The following CCDC82 variants were observed in gnomAD, a reference collection of about 807,000 sequenced individuals.
CCDC82 encodes coiled-coil domain-containing protein 82.
CCDC82 carries 47 observed loss-of-function variants against 60.6 expected under a neutral mutation model. That is an observed-to-expected ratio of 0.77 (90% CI 0.61 to 0.99). CCDC82 has a LOEUF of 0.99. CCDC82 is among the 50% of genes least tolerant of loss of function. The pLI, the probability that CCDC82 is intolerant of heterozygous loss-of-function variation, is 0.00. For synonymous variants in CCDC82, 212 were observed against 207.4 expected, an observed-to-expected ratio of 1.02 and a Z score of -0.19; for missense variants, 588 against 633.0, an observed-to-expected ratio of 0.93 and a Z score of 0.76.
At chr11:96,379,863 CGACTG>C (rs1865776852) in intron 5 of CCDC82, among the ~76,000 whole-genome samples, 1 of 151,688 alleles carries the variant, frequency 6.6e-6, no homozygotes, top group Admixed American at 6.6e-5. Flanking sequence ...TTCTGCTTAA[CGACTG>C]GACTGAAGTA....
Position 96,352,968 on chromosome 11 carries a change from T to C in CCDC82, c.*678A>G, listed in dbSNP as rs1040976767. On this transcript the variant is annotated 3_prime_UTR_variant, in exon 10 of 10. Coordinates refer to ENST00000646818, the MANE Select transcript of CCDC82 (RefSeq NM_024725.4). ...AAAATACATCTTAATCATCAATATA[T>C]AGACAAAATTGAATAGAAAAAAGTA... The C allele has an allele frequency of 3.3e-5, 5 of 152,104 alleles. No individual in the cohort carries two copies. Among genetic ancestry groups the C allele is most frequent in the East Asian group, 3.9e-4 (2 of 5,188 alleles). 9.4% of individuals were successfully genotyped at this position (152,104 alleles called of 1,614,324 possible). A position where few individuals can be genotyped will look rare whatever the true frequency, so the allele number is the denominator to read the frequency against.
At position 96,384,580 on chromosome 11, in the gene CCDC82, A is replaced by C; in HGVS notation, c.168T>G (p.Asp56Glu). The C allele has an allele frequency of 6.2e-7, 1 of 1,613,542 alleles. No homozygotes were observed. The highest frequency in any genetic ancestry group is 8.5e-7 in the Non-Finnish European group (1 of 1,179,642). ...CATCATTTTCAAAACTTTCATCACT[A>C]TCAAGCTCTTCATCACTATCAAATT... ...SEEFDSDEELDSDESFENDEE... is the reference protein window; with the variant it reads ...SEEFDSDEELESDESFENDEE... Residue 56 changes from aspartate (D) to glutamate (E), a missense_variant, in exon 4 of 10, where the codon GAT (aspartate) becomes GAG (glutamate). By Grantham distance (45) the Asp-to-Glu change is conservative. Transcript: ENST00000646818.
Position 96,373,424 on chromosome 11 carries a change from C to T in CCDC82, c.1035G>A (p.Lys345=), listed in dbSNP as rs751010561. The change falls in exon 6 of 10, where the codon AAG becomes AAA. Residue 345 remains lysine (K), a synonymous_variant. Transcript: ENST00000646818. ...CATCTAAAGCGTTGATCAGAAGAGCCTTCACAACTCTTTCAAAATGAGTAT... is the reference window on the plus strand; with the variant it reads ...CATCTAAAGCGTTGATCAGAAGAGCTTTCACAACTCTTTCAAAATGAGTAT... The part of the protein sequence containing the change: ...DHYTHFERVV[K]ALLINALDES... 3 of 1,610,288 alleles carry T rather than the reference C, an allele frequency of 1.9e-6. No homozygotes were observed. The highest frequency in any genetic ancestry group is 1.7e-4 in the Middle Eastern group (1 of 6,040).
chr11:96,365,124 T>G lies in CCDC82; in HGVS notation c.1236A>C (p.Val412=). 1 of 1,576,680 alleles carries G rather than the reference T, an allele frequency of 6.3e-7. No individual in the cohort carries two copies. The change falls in exon 8 of 10, where the codon GTA becomes GTC. Residue 412 remains valine, a synonymous_variant. Transcript: ENST00000646818. ...TTTCAGGATTCTTCAAATGAATACT[T>G]ACATTAGAATAATTTTCTACTCGCT... ...YKERVENYSN[V]SIHLKNPENC... is the part of the protein sequence containing the mutation.
At chr11:96,376,744 A>G (rs1272100869) in intron 5 of CCDC82, among the ~76,000 whole-genome samples, 2 of 151,966 alleles carry the variant, frequency 1.3e-5, no homozygotes, top group Non-Finnish European at 2.9e-5. Context: ...TCTTCTTAAT[A>G]TTAGGCTTAG....
At chr11:96,372,416 A>G (rs1865321726) in intron 6 of CCDC82, among the ~76,000 whole-genome samples, 1 of 151,792 alleles carries the variant, frequency 6.6e-6, no homozygotes, top group African/African-American at 2.4e-5. Flanking sequence ...ATTAGACTAT[A>G]AGTAACATGA....
intron 5 of CCDC82, chr11:96,382,719 T>A (rs893229080): frequency 1.3e-5 from 2 of 151,844 alleles, no homozygotes; most frequent in East Asian, 3.8e-4. Flanking sequence ...CAATTATTTT[T>A]AAAATACTAT....
At chr11:96,358,706 A>AT in intron 9 of CCDC82, 1 of 1,185,992 alleles carries the variant, frequency 8.4e-7, no homozygotes, top group Non-Finnish European at 1.1e-6. Context: ...ATATATATGT[A>AT]AGCAATACAT....
chr11:96,371,248 A>G lies in CCDC82; in HGVS notation c.1085-111T>C, dbSNP rs369031412. The G allele has an allele frequency of 8.2e-4, 552 of 672,380 alleles. 3 individuals carry two copies. The African/African-American group carries it at 9.0e-3, about 11-fold the overall frequency. The allele number at this position is 672,380 out of a possible 1,614,324, so 41.7% of individuals were successfully genotyped here. On this transcript the variant is annotated intron_variant, in intron 6 of 9. Transcript: ENST00000646818. The stretch of plus-strand genomic sequence containing the variant: ...TTGGTTGGAAGCATTTTAAATTAGG[A>G]AAAAAAATATTTAAAAAATCATTCC...
At chr11:96,388,539 T>C (rs1866337656) in intron 1 of CCDC82, 1 of 152,174 alleles carries the variant, frequency 6.6e-6, no homozygotes, top group South Asian at 2.1e-4. Context: ...AAGACAATAA[T>C]CCATATTGCT....
chr11:96,384,178 A>G lies in CCDC82; in HGVS notation c.570T>C (p.Cys190=), dbSNP rs1866046167. The change falls in exon 4 of 10, where the codon TGT becomes TGC. Residue 190 remains cysteine (C), a synonymous_variant. Coordinates refer to ENST00000646818, the MANE Select transcript of CCDC82 (RefSeq NM_024725.4). ...GKRKRLSSVM[C]DSDESDDSDI... ...CGCTGTCATCACTCTCATCACTGTC[A>G]CACATCACAGAGGATAGCCTTTTTC... is the stretch of plus-strand genomic sequence containing the variant. The G allele has an allele frequency of 2.5e-6, 4 of 1,613,852 alleles. No homozygotes were observed. Among genetic ancestry groups the G allele is most frequent in the Non-Finnish European group, 3.4e-6 (4 of 1,179,842 alleles).
intron 7 of CCDC82, among the ~76,000 whole-genome samples, chr11:96,366,602 G>A (rs1353206879): frequency 2.0e-5 from 3 of 152,128 alleles, no homozygotes; most frequent in African/African-American, 7.2e-5. Context: ...AAATAATAGT[G>A]CCCTCCAGCT....
In CCDC82 at chr11:96,376,443, T is replaced by TC. The variant is rs1337724434; in HGVS notation, c.992-2977_992-2976insG. Among the ~76,000 whole-genome samples the TC allele has an allele frequency of 4.7e-4, 72 of 151,876 alleles. 2 individuals carry two copies. The highest frequency in any genetic ancestry group is 2.9e-5 in the Non-Finnish European group (2 of 67,932). ...AGCCGTGCTTTTCTTTTTTTTTTTT[T>TC]TGAGCCGGAGTCTTACTCTTGTCAC... On this transcript the variant is annotated intron_variant, in intron 5 of 9. Transcript: ENST00000646818.
At position 96,381,843 on chromosome 11, in the gene CCDC82, T is replaced by C. The variant is rs1239552533; in HGVS notation, c.991+1426A>G. ...TATTATTTATTTGCTTTTTTCACTGTGTTGACATTTTCATTGATGATGTAA... is the reference window on the plus strand; with the variant it reads ...TATTATTTATTTGCTTTTTTCACTGCGTTGACATTTTCATTGATGATGTAA... On this transcript the variant is annotated intron_variant, in intron 5 of 9. Transcript: ENST00000646818. 3 of 151,834 alleles carry C rather than the reference T, an allele frequency of 2.0e-5. No individual in the cohort carries two copies. In the East Asian group the frequency reaches 5.8e-4, roughly 29 times the overall value. 9.4% of individuals were successfully genotyped at this position (151,834 alleles called of 1,614,324 possible).
At chr11:96,365,984 T>C (rs893421212) in intron 7 of CCDC82, among the ~76,000 whole-genome samples, 4 of 152,246 alleles carry the variant, frequency 2.6e-5, no homozygotes, top group East Asian at 1.9e-4. Flanking sequence ...TTATATTATA[T>C]GATTGAAAAC....
At chr11:96,362,885 C>T (rs1166165360) in intron 8 of CCDC82, among the ~76,000 whole-genome samples, 1 of 152,066 alleles carries the variant, frequency 6.6e-6, no homozygotes, top group East Asian at 1.9e-4. Flanking sequence ...TATGTAACTG[C>T]AAGCAGCAAC....
At chr11:96,364,176 G>A (rs999168438) in intron 8 of CCDC82, 7 of 152,032 alleles carry the variant, frequency 4.6e-5, no homozygotes, top group African/African-American at 1.4e-4. Context: ...GATATCTTAT[G>A]TCATAAAAAG....
At chr11:96,356,981 G>C (rs1466227684) in intron 9 of CCDC82, 1 of 985,364 alleles carries the variant, frequency 1.0e-6, no homozygotes, top group African/African-American at 1.7e-5. Flanking sequence ...AATATGAGCG[G>C]AAAGTGCCAT....
intron 9 of CCDC82, chr11:96,358,136 C>G: frequency 1.0e-6 from 1 of 986,370 alleles, no homozygotes; most frequent in Non-Finnish European, 1.2e-6. Flanking sequence ...ACAAATTTCC[C>G]TATGATATAG....
Sources: allele counts gnomAD v4.1 joint callset (sites outside exome capture counted in the v4.1 genomes callset), GRCh38; gene constraint gnomAD v4.1.1; transcripts MANE v1.5; gene names NCBI Gene and HGNC (gene_info 2026-07-23, HGNC 2026-07-21).